Variants in CD8B2 observed in about 807,000 individuals in gnomAD.
CD8B2 encodes T-cell surface glycoprotein CD8 beta-2 chain.
CD8B2 carries 11 observed loss-of-function variants against 23.7 expected under a neutral mutation model. That is an observed-to-expected ratio of 0.46 (90% confidence interval 0.29 to 0.77). The LOEUF is 0.77. Among genes scored for constraint, CD8B2 ranks in the 30% least tolerant of loss-of-function variants. The probability of loss-of-function intolerance (pLI) is 0.09; values close to 1 mark genes in which losing one functional copy is unlikely to be tolerated. For synonymous variants in CD8B2, 90 were observed against 109.3 expected, an observed-to-expected ratio of 0.82 and a Z score of 1.10; for missense variants, 197 against 270.5, an observed-to-expected ratio of 0.73 and a Z score of 1.91.
At chr2:106,495,488 G>A (rs1317706677) in intron 2 of CD8B2, among the ~76,000 whole-genome samples, 2 of 152,120 alleles carry the variant, frequency 1.3e-5, no homozygotes, top group Admixed American at 6.5e-5. Context: ...GCAGTGAGCC[G>A]AGATCGTGCC....
chr2:106,501,270 T>C (rs1679399724), intron 3 of CD8B2, among the ~76,000 whole-genome samples: 1 of 152,014 alleles, frequency 6.6e-6, no homozygotes, highest in Admixed American at 6.5e-5. Context: ...TGTCAGATGT[T>C]ACTCTGCTGG....
chr2:106,497,871 G>T (rs1042563314), intron 3 of CD8B2, among the ~76,000 whole-genome samples: 3 of 152,040 alleles, frequency 2.0e-5, no homozygotes. Flanking sequence ...TAAGATGAGG[G>T]CACAAGAACT....
intron 2 of CD8B2, among the ~76,000 whole-genome samples, chr2:106,495,421 C>T (rs1032964317): frequency 6.6e-6 from 1 of 152,104 alleles, no homozygotes; most frequent in African/African-American, 2.4e-5. Context: ...CGCCTGTAAT[C>T]CCAGCTACTC....
At chr2:106,501,702 C>T (rs1049173635) in intron 3 of CD8B2, among the ~76,000 whole-genome samples, 31 of 151,942 alleles carry the variant, frequency 2.0e-4, no homozygotes, top group African/African-American at 6.8e-4. Context: ...AACAAACAAA[C>T]GAACAAACCC....
intron 2 of CD8B2, among the ~76,000 whole-genome samples, chr2:106,495,055 C>G (rs995510872): frequency 2.6e-4 from 39 of 152,088 alleles, no homozygotes; most frequent in Non-Finnish European, 5.0e-4. Context: ...CGATCCAGCC[C>G]TGGGGCTCAA....
chr2:106,544,195 G>A (rs1680217959), exon 6 of CD8B2: 3 of 397,352 alleles, frequency 7.5e-6, no homozygotes, highest in South Asian at 1.4e-4. Flanking sequence ...CTGCATGGGA[G>A]TTGTAAAAAA....
At chr2:106,530,701 G>A (rs1679980033) in intron 5 of CD8B2, among the ~76,000 whole-genome samples, 1 of 152,260 alleles carries the variant, frequency 6.6e-6, no homozygotes, top group South Asian at 2.1e-4. Flanking sequence ...ATTCCCAGAT[G>A]GTTAAGGCAT....
chr2:106,494,041 G>A (rs182575737), intron 2 of CD8B2, among the ~76,000 whole-genome samples: 8,880 of 152,220 alleles, frequency 0.058, 289 homozygotes, highest in African/African-American at 0.074. Context: ...GCTTTCCAGA[G>A]GAGGCTCAGA....
chr2:106,517,157 C>T (rs1376953384), intron 5 of CD8B2, among the ~76,000 whole-genome samples: 1 of 151,546 alleles, frequency 6.6e-6, no homozygotes, highest in Non-Finnish European at 1.5e-5. Flanking sequence ...TATTTTTTGG[C>T]ACATTCCTTT....
intron 2 of CD8B2, among the ~76,000 whole-genome samples, chr2:106,492,848 C>A (rs1362682451): frequency 2.0e-5 from 3 of 152,214 alleles, no homozygotes; most frequent in Non-Finnish European, 4.4e-5. Context: ...TGAGGCATCC[C>A]TTCACGTGGG....
At chr2:106,522,370 G>A (rs1436094297) in intron 5 of CD8B2, among the ~76,000 whole-genome samples, 1 of 152,158 alleles carries the variant, frequency 6.6e-6, no homozygotes, top group Non-Finnish European at 1.5e-5. Flanking sequence ...CCCAAACATA[G>A]AGATGTCCAC....
At chr2:106,521,007 A>AAC (rs1558883571) in intron 5 of CD8B2, among the ~76,000 whole-genome samples, 1 of 147,008 alleles carries the variant, frequency 6.8e-6, no homozygotes, top group African/African-American at 2.5e-5. Context: ...CAAAAAAAAA[A>AAC]TCATAATGTT....
intron 1 of CD8B2, among the ~76,000 whole-genome samples, chr2:106,489,149 T>A (rs4676201): frequency 2.6e-5 from 3 of 115,194 alleles, no homozygotes; most frequent in African/African-American, 6.8e-5. Context: ...ATTAGAGGCA[T>A]GCGCCATCAT....
intron 5 of CD8B2, among the ~76,000 whole-genome samples, chr2:106,534,098 T>G (rs1680050352): frequency 2.0e-5 from 3 of 152,208 alleles, no homozygotes. Context: ...CAGGAACCAC[T>G]GTGGGTGGAG....
chr2:106,494,142 C>T (rs2104551720), intron 2 of CD8B2, among the ~76,000 whole-genome samples: 1 of 149,980 alleles, frequency 6.7e-6, no homozygotes, highest in Admixed American at 6.6e-5. Flanking sequence ...TTCCCCCTTA[C>T]AACCCCCCAA....
At chr2:106,525,917 G>A (rs545186994) in intron 5 of CD8B2, among the ~76,000 whole-genome samples, 5 of 152,090 alleles carry the variant, frequency 3.3e-5, no homozygotes, top group Non-Finnish European at 7.4e-5. Context: ...TTATCTGTAC[G>A]AGGCCAAAGA....
At chr2:106,537,431 C>A (rs1483114456) in intron 5 of CD8B2, among the ~76,000 whole-genome samples, 1 of 152,030 alleles carries the variant, frequency 6.6e-6, no homozygotes, top group African/African-American at 2.4e-5. Flanking sequence ...AATTATGGTT[C>A]AACGCCACCA....
At chr2:106,539,778 A>G (rs917771325) in intron 5 of CD8B2, among the ~76,000 whole-genome samples, 1 of 152,226 alleles carries the variant, frequency 6.6e-6, no homozygotes, top group African/African-American at 2.4e-5. Flanking sequence ...GGCTGATAAA[A>G]TAAGAACAGA....
chr2:106,499,544 A>C (rs1382062094), intron 3 of CD8B2, among the ~76,000 whole-genome samples: 51 of 152,026 alleles, frequency 3.4e-4, no homozygotes, highest in Middle Eastern at 3.4e-3. Flanking sequence ...AAAAAAAAAA[A>C]AAAAAAACCT....
Sources: gnomAD v4.1 joint callset for allele counts (sites outside exome capture counted in the v4.1 genomes callset) on GRCh38, gnomAD v4.1.1 for gene constraint, MANE v1.5 for transcripts, NCBI Gene and HGNC (gene_info 2026-07-23, HGNC 2026-07-21) for gene names.